Variants in APAF1 observed in about 807,000 individuals in gnomAD.
APAF1 encodes the protein apoptotic peptidase activating factor 1, also known as apoptotic protease-activating factor 1.
APAF1 carries 91 observed loss-of-function variants against 152.4 expected under a neutral mutation model. The ratio of observed to expected loss-of-function variants is 0.60; its 90% CI spans 0.50 to 0.71. APAF1 has a LOEUF of 0.71. Among genes scored for constraint, APAF1 ranks in the 30% least tolerant of loss-of-function variants. APAF1 has a pLI of 0.00. For synonymous variants in APAF1, 484 were observed against 494.1 expected (o/e 0.98, Z 0.27); for missense variants, 1,283 against 1,472.0 (o/e 0.87, Z 2.10).
intron 16 of APAF1, 96 bp from the exon 17 acceptor site, chr12:98,699,312 T>A: frequency 5.0e-6 from 6 of 1,201,576 alleles, no homozygotes; most frequent in Non-Finnish European, 7.1e-6. Context: ...TCAAGTGAAG[T>A]GAATAAGTTT....
chr12:98,648,807 C>T lies in APAF1; in HGVS notation c.320C>T (p.Thr107Ile). 2 of 1,613,670 alleles carry T rather than the reference C, an allele frequency of 1.2e-6. No individual in the cohort carries two copies. Among genetic ancestry groups the T allele is most frequent in the Non-Finnish European group, 1.7e-6 (2 of 1,179,826 alleles). Reference sequence around the variant, plus strand: ...GGTAAAGATTCAGTTAGTGGAATAACTTCGTATGGTTTGTATCCATTATAC... The same window carrying T: ...GGTAAAGATTCAGTTAGTGGAATAATTTCGTATGGTTTGTATCCATTATAC... ...SSGKDSVSGI[T>I]SYVRTVLCEG... Residue 107 changes from threonine to isoleucine, a missense_variant, in exon 3 of 27, where the codon ACT (threonine) becomes ATT (isoleucine). Thr to Ile is a moderately conservative substitution (Grantham distance 89). Transcript: ENST00000551964.
At chr12:98,650,221 G>A (rs993274334) in intron 4 of APAF1, among the ~76,000 whole-genome samples, 5 of 152,080 alleles carry the variant, frequency 3.3e-5, no homozygotes, top group African/African-American at 1.2e-4. Flanking sequence ...AGTAGGCCAG[G>A]CACGGTGGCT....
intron 3 of APAF1, 22 bp from the exon 4 acceptor site, chr12:98,649,465 C>CTTGTT (rs2097646229): frequency 6.2e-7 from 1 of 1,610,662 alleles, no homozygotes; most frequent in Non-Finnish European, 8.5e-7. Context: ...TTCATTCATG[C>CTTGTT]TTGTTTTGTT....
At chr12:98,674,882 T>G (rs940170308) in intron 12 of APAF1, among the ~76,000 whole-genome samples, 1 of 152,216 alleles carries the variant, frequency 6.6e-6, no homozygotes, top group Non-Finnish European at 1.5e-5. Flanking sequence ...GCATTTAGCA[T>G]TTTTCTGGTC....
chr12:98,654,446 G>GC (rs1262678953), intron 4 of APAF1, among the ~76,000 whole-genome samples: 3 of 152,012 alleles, frequency 2.0e-5, no homozygotes, highest in South Asian at 4.1e-4. Context: ...TTGAGACAGA[G>GC]CCCCATTCTG....
At chr12:98,717,412 G>A (rs537898921) in intron 22 of APAF1, among the ~76,000 whole-genome samples, 9 of 149,598 alleles carry the variant, frequency 6.0e-5, no homozygotes, top group Admixed American at 1.3e-4. Context: ...TTTCACTCTT[G>A]TTGCCTAGGC....
At chr12:98,649,262 A>G in intron 3 of APAF1, 1 of 966,726 alleles carries the variant, frequency 1.0e-6, no homozygotes, top group Non-Finnish European at 1.2e-6. Context: ...AGATATAGAT[A>G]GAAACTTCCA....
At chr12:98,710,879 TG>T (rs2097727253) in intron 20 of APAF1, among the ~76,000 whole-genome samples, 1 of 149,228 alleles carries the variant, frequency 6.7e-6, no homozygotes, top group Non-Finnish European at 1.5e-5. Flanking sequence ...AGCCTCAGTT[TG>T]TAAAGGTCCT....
chr12:98,718,937 T>C (rs2097738204), intron 22 of APAF1, among the ~76,000 whole-genome samples: 1 of 152,046 alleles, frequency 6.6e-6, no homozygotes, highest in Non-Finnish European at 1.5e-5. Flanking sequence ...CCATCTCAAA[T>C]ATATAATGGC....
chr12:98,719,729 A>G (rs2153342193), intron 22 of APAF1, among the ~76,000 whole-genome samples: 1 of 152,108 alleles, frequency 6.6e-6, no homozygotes, highest in African/African-American at 2.4e-5. Flanking sequence ...CTTGCTTTCC[A>G]GCCTCCCACA....
At chr12:98,663,946 C>T (rs529107227) in intron 7 of APAF1, among the ~76,000 whole-genome samples, 3 of 152,258 alleles carry the variant, frequency 2.0e-5, no homozygotes, top group South Asian at 2.1e-4. Context: ...GCATGAGCTA[C>T]CATACCTGGC....
chr12:98,648,421 A>G lies in APAF1; in HGVS notation c.62A>G (p.Lys21Arg), dbSNP rs2097644769. Residue 21 changes from lysine (K) to arginine (R), a missense_variant, in exon 2 of 27, where the codon AAG becomes AGG. Lys to Arg is a conservative substitution (Grantham distance 26, BLOSUM62 2). Transcript: ENST00000551964. ...QHREALEKDI[K>R]TSYIMDHMIS... The stretch of plus-strand genomic sequence containing the variant: ...AGAGAAGCTCTGGAAAAGGACATCA[A>G]GACATCCTACATCATGGATCACATG... 1.2e-6 allele frequency: 2 copies of G among 1,614,104 alleles called. No individual in the cohort carries two copies. The highest frequency in any genetic ancestry group is 1.7e-6 in the Non-Finnish European group (2 of 1,179,956).
intron 10 of APAF1, 52 bp downstream of exon 10, chr12:98,667,696 G>A: frequency 6.5e-7 from 1 of 1,538,622 alleles, no homozygotes; most frequent in Non-Finnish European, 8.8e-7. Flanking sequence ...TTTTCCATAT[G>A]TATTACAAAT....
chr12:98,647,266 A>T (rs1019801263), intron 1 of APAF1, among the ~76,000 whole-genome samples: 20 of 151,922 alleles, frequency 1.3e-4, no homozygotes, highest in Non-Finnish European at 5.9e-5. Flanking sequence ...AAAAAAAAAA[A>T]AAATAAGACA....
chr12:98,657,642 T>G (rs2097659429), intron 4 of APAF1, among the ~76,000 whole-genome samples: 1 of 152,168 alleles, frequency 6.6e-6, no homozygotes, highest in South Asian at 2.1e-4. Context: ...GGATAGTAGG[T>G]TAAGGTGGGT....
chr12:98,648,697 A>C lies in APAF1; in HGVS notation c.210A>C (p.Ser70=). 1 of 1,613,936 alleles carries C rather than the reference A, an allele frequency of 6.2e-7. No individual in the cohort carries two copies. The highest frequency in any genetic ancestry group is 8.5e-7 in the Non-Finnish European group (1 of 1,179,882). ...AAAAAGATAATGATTCCTACGTATC[A>C]TTCTACAATGCTCTACTACATGAAG... The part of the protein sequence containing the change: ...ILKKDNDSYV[S]FYNALLHEGY... Residue 70 remains serine (S), a synonymous_variant, in exon 3 of 27, where the codon TCA becomes TCC. Coordinates refer to ENST00000551964, the MANE Select transcript of APAF1 (RefSeq NM_181861.2).
At chr12:98,663,720 G>A (rs139960385) in intron 7 of APAF1, among the ~76,000 whole-genome samples, 8 of 151,474 alleles carry the variant, frequency 5.3e-5, no homozygotes, top group South Asian at 2.1e-4. Flanking sequence ...GTGCAGTGGC[G>A]TGATCTCGGC....
chr12:98,690,629 GCCATT>G (rs1242468209), intron 16 of APAF1, among the ~76,000 whole-genome samples: 1 of 152,082 alleles, frequency 6.6e-6, no homozygotes, highest in Non-Finnish European at 1.5e-5. Context: ...GTAAAACTAG[GCCATT>G]TATGTGTTGT....
At chr12:98,675,489 A>G (rs550456527) in intron 12 of APAF1, among the ~76,000 whole-genome samples, 72 of 152,320 alleles carry the variant, frequency 4.7e-4, no homozygotes, top group African/African-American at 1.6e-3. Context: ...CATAGATTCA[A>G]CCAACCTGGA....
Sources: allele counts gnomAD v4.1 joint callset (sites outside exome capture counted in the v4.1 genomes callset), GRCh38; gene constraint gnomAD v4.1.1; transcripts MANE v1.5; gene names NCBI Gene and HGNC (gene_info 2026-07-23, HGNC 2026-07-21).